FRRS1: variants seen among roughly 807,000 people sequenced by gnomAD.
FRRS1 encodes the protein ferric reductase 1.
A neutral mutation model predicts 70.7 loss-of-function variants in FRRS1; 51 were observed. That is an observed-to-expected ratio of 0.72 (90% CI 0.58 to 0.91). The LOEUF (loss-of-function observed/expected upper bound fraction) is 0.91, where lower values mean the gene tolerates loss of function less well. Among genes scored for constraint, FRRS1 ranks in the 40% least tolerant of loss-of-function variants. The pLI is 0.00. For synonymous variants in FRRS1, 225 were observed against 238.7 expected, an observed-to-expected ratio of 0.94 and a Z score of 0.53; for missense variants, 672 against 726.0, an observed-to-expected ratio of 0.93 and a Z score of 0.86.
rs1024535243 is a variant in FRRS1, at chr1:99,712,518, A to G, written c.1324-3T>C. The G allele has an allele frequency of 2.6e-6, 4 of 1,567,826 alleles. No homozygotes were observed. The highest frequency in any genetic ancestry group is 1.9e-5 in the Admixed American group (1 of 52,590). ...AGGTATGGGTGGTAACCTGCATGCT[A>G]AACAAAGTTACATCATTTTAATGGC... is the stretch of plus-strand genomic sequence containing the variant. On this transcript the variant is annotated splice_region_variant and splice_polypyrimidine_tract_variant and intron_variant, in intron 12 of 16. Coordinates refer to ENST00000646001, the MANE Select transcript of FRRS1 (RefSeq NM_001361041.2).
chr1:99,737,167 G>A (rs4333869), intron 7 of FRRS1, among the ~76,000 whole-genome samples: 74,972 of 151,870 alleles, frequency 0.49, 22,502 homozygotes, highest in African/African-American at 0.85. Context: ...CTAGGAAAGC[G>A]AGATGTTTAT....
chr1:99,721,057 C>CA (rs1160604820), intron 9 of FRRS1, among the ~76,000 whole-genome samples: 3 of 152,198 alleles, frequency 2.0e-5, no homozygotes, highest in Middle Eastern at 3.4e-3. Context: ...ACTCTGATCA[C>CA]ACAATGAAAG....
At chr1:99,729,237 T>A (rs1338329042) in intron 8 of FRRS1, among the ~76,000 whole-genome samples, 1 of 152,248 alleles carries the variant, frequency 6.6e-6, no homozygotes, top group Non-Finnish European at 1.5e-5. Context: ...AAAGGGCACT[T>A]AAGACAACTG....
chr1:99,708,950 C>G lies in FRRS1; in HGVS notation c.*78G>C. The stretch of plus-strand genomic sequence containing the variant: ...TGAGAATTCACAAATATGCTCCAGG[C>G]AGTCAGGACAGGCTTCAAGTTTCTT... On this transcript the variant is annotated 3_prime_UTR_variant, in exon 17 of 17. Coordinates refer to ENST00000646001, the MANE Select transcript of FRRS1 (RefSeq NM_001361041.2). The G allele has an allele frequency of 4.3e-6, 7 of 1,613,950 alleles. No homozygotes were observed. The highest frequency in any genetic ancestry group is 5.9e-6 in the Non-Finnish European group (7 of 1,179,966).
intron 1 of FRRS1, among the ~76,000 whole-genome samples, chr1:99,754,089 T>A (rs774434378): frequency 2.2e-4 from 34 of 152,118 alleles, no homozygotes; most frequent in Non-Finnish European, 8.8e-5. Context: ...CAAGAAGACA[T>A]AACAATGCAA....
chr1:99,718,624 C>T (rs193198688), intron 10 of FRRS1, among the ~76,000 whole-genome samples: 5 of 152,178 alleles, frequency 3.3e-5, no homozygotes, highest in African/African-American at 7.2e-5. Flanking sequence ...CCACCGCGTA[C>T]GGCCTAGAGC....
At chr1:99,761,114 C>G (rs938029443) in intron 1 of FRRS1, among the ~76,000 whole-genome samples, 3 of 151,412 alleles carry the variant, frequency 2.0e-5, no homozygotes, top group Non-Finnish European at 4.4e-5. Context: ...TTTCAATTTT[C>G]TTTTTAATTT....
chr1:99,755,190 C>G (rs528021841), intron 1 of FRRS1, among the ~76,000 whole-genome samples: 2 of 151,802 alleles, frequency 1.3e-5, no homozygotes, highest in Admixed American at 1.3e-4. Context: ...GAGACTAAAG[C>G]CGGAGAATTA....
chr1:99,704,571 C>T lies in FRRS1; in HGVS notation c.*4457G>A, dbSNP rs150050157. Among the ~76,000 whole-genome samples the T allele has an allele frequency of 5.8e-4, 88 of 152,258 alleles. No individual in the cohort carries two copies. The highest frequency in any genetic ancestry group is 2.0e-3 in the African/African-American group (82 of 41,550). ...TGAGGACAGGCACCCCTGCCTTCAGCGCCCAAATGTTGCATTTCCTAAGAC... is the reference window on the plus strand; with the variant it reads ...TGAGGACAGGCACCCCTGCCTTCAGTGCCCAAATGTTGCATTTCCTAAGAC... On this transcript the variant is annotated 3_prime_UTR_variant, in exon 17 of 17. Transcript: ENST00000646001.
intron 7 of FRRS1, among the ~76,000 whole-genome samples, chr1:99,731,832 T>C (rs1655405035): frequency 6.6e-6 from 1 of 152,198 alleles, no homozygotes. Context: ...GATTTATTTT[T>C]TATTTTTTAA....
intron 9 of FRRS1, among the ~76,000 whole-genome samples, chr1:99,721,637 C>T (rs1296458398): frequency 3.3e-5 from 5 of 149,310 alleles, no homozygotes; most frequent in Admixed American, 2.7e-4. Flanking sequence ...CTCACTCTGT[C>T]GCCCAGGCTG....
rs187961073 is a variant in FRRS1, at chr1:99,708,766, T to C, written c.*262A>G. On this transcript the variant is annotated 3_prime_UTR_variant, in exon 17 of 17. Transcript: ENST00000646001. ...ATTCTTAAAATCTTGGCATGAAATATTTGAGAGTTACTTCTCCTGAAGTAC... is the reference window on the plus strand; with the variant it reads ...ATTCTTAAAATCTTGGCATGAAATACTTGAGAGTTACTTCTCCTGAAGTAC... 5.5e-4 allele frequency: 320 copies of C among 581,954 alleles called. No homozygotes were observed. The highest frequency in any genetic ancestry group is 5.4e-3 in the African/African-American group (288 of 53,474). The allele number at this position is 581,954 out of a possible 1,614,324, so 36.0% of individuals were successfully genotyped here. A position where few individuals can be genotyped will look rare whatever the true frequency, so the allele number is the denominator to read the frequency against.
intron 10 of FRRS1, among the ~76,000 whole-genome samples, chr1:99,719,101 T>G (rs1475963460): frequency 2.0e-5 from 3 of 150,670 alleles, no homozygotes; most frequent in Non-Finnish European, 3.0e-5. Flanking sequence ...TGCCTGCAAG[T>G]GTTAGTGTTT....
rs746062633 is a variant in FRRS1, at chr1:99,738,234, C to T, written c.611G>A (p.Cys204Tyr). The T allele has an allele frequency of 5.6e-6, 9 of 1,610,106 alleles. No individual in the cohort carries two copies. Among genetic ancestry groups the T allele is most frequent in the Admixed American group, 3.4e-5 (2 of 59,050 alleles). ...SASDCGNKKF[C>Y]IRSPLNCDPE... ...GTCACAGTTCAAAGGACTCCTAATA[C>T]AGAACTTCTTGTTCCCACAATCTGA... The change falls in exon 7 of 17, where the codon TGT becomes TAT. Residue 204 changes from cysteine to tyrosine, a missense_variant. By Grantham distance (194) the Cys-to-Tyr change is radical (BLOSUM62 -2). Transcript: ENST00000646001.
intron 7 of FRRS1, among the ~76,000 whole-genome samples, chr1:99,731,011 G>T (rs558032832): frequency 3.9e-5 from 6 of 152,234 alleles, no homozygotes; most frequent in South Asian, 2.1e-4. Context: ...ACACCAGCCT[G>T]GGCAACTGAG....
intron 1 of FRRS1, among the ~76,000 whole-genome samples, chr1:99,761,492 T>C (rs751309161): frequency 5.3e-5 from 8 of 152,222 alleles, no homozygotes; most frequent in Non-Finnish European, 1.2e-4. Flanking sequence ...TATTACATGA[T>C]ATACAGGTTT....
At chr1:99,710,753 C>G (rs1257100142) in intron 15 of FRRS1, 53 bp downstream of exon 15, 1 of 1,524,176 alleles carries the variant, frequency 6.6e-7, no homozygotes, top group Non-Finnish European at 8.9e-7. Flanking sequence ...CATTCTTTTC[C>G]AATGGTTTGT....
intron 12 of FRRS1, among the ~76,000 whole-genome samples, chr1:99,714,118 C>T (rs576873911): frequency 6.7e-6 from 1 of 150,372 alleles, no homozygotes; most frequent in East Asian, 1.9e-4. Flanking sequence ...TTGACTTTTA[C>T]TCTTAATAAA....
intron 1 of FRRS1, among the ~76,000 whole-genome samples, chr1:99,763,037 C>T (rs1657184220): frequency 6.6e-6 from 1 of 152,194 alleles, no homozygotes; most frequent in African/African-American, 2.4e-5. Context: ...GTACAATTCT[C>T]ATTATACCTC....
Sources: gnomAD v4.1 joint callset for allele counts (sites outside exome capture counted in the v4.1 genomes callset) on GRCh38, gnomAD v4.1.1 for gene constraint, MANE v1.5 for transcripts, NCBI Gene and HGNC (gene_info 2026-07-23, HGNC 2026-07-21) for gene names.